Variants in AGGF1 observed in about 807,000 individuals in gnomAD.
The protein encoded by AGGF1 is angiogenic factor with G patch and FHA domains 1.
AGGF1 carries 56 observed loss-of-function variants against 86.5 expected under a neutral mutation model. That is an observed-to-expected ratio of 0.65 (90% CI 0.52 to 0.81). The LOEUF (loss-of-function observed/expected upper bound fraction) is 0.81. AGGF1 is among the 30% of genes least tolerant of loss of function. The pLI, the probability that AGGF1 is intolerant of heterozygous loss-of-function variation, is 0.00. For missense variants in AGGF1, 816 were observed against 850.9 expected, an observed-to-expected ratio of 0.96 and a Z score of 0.51; for synonymous variants, 313 against 297.1, an observed-to-expected ratio of 1.05 and a Z score of -0.55.
intron 5 of AGGF1, among the ~76,000 whole-genome samples, chr5:77,043,467 C>T (rs868365182): frequency 0.013 from 950 of 72,060 alleles, no homozygotes; most frequent in Non-Finnish European, 0.016. Context: ...CCAGACGGGG[C>T]GGTTGGCCGG....
chr5:77,039,766 A>G (rs757590507), intron 5 of AGGF1, 47 bp downstream of exon 5: 1 of 1,537,896 alleles, frequency 6.5e-7, no homozygotes, highest in Non-Finnish European at 8.9e-7. Flanking sequence ...TGATAACATG[A>G]TAATTAAGAC....
At chr5:77,053,418 C>A (rs934382561) in intron 9 of AGGF1, among the ~76,000 whole-genome samples, 1 of 152,158 alleles carries the variant, frequency 6.6e-6, no homozygotes, top group Non-Finnish European at 1.5e-5. Flanking sequence ...ACTTGGGATG[C>A]TGAGGCAGGA....
chr5:77,031,045 C>G, intron 1 of AGGF1, 69 bp downstream of exon 1: 1 of 1,533,620 alleles, frequency 6.5e-7, no homozygotes, highest in Non-Finnish European at 9.0e-7. Context: ...GTGATAGCCT[C>G]GGAAGGGGTC....
intron 11 of AGGF1, among the ~76,000 whole-genome samples, chr5:77,057,612 C>A (rs959347915): frequency 6.6e-6 from 1 of 152,162 alleles, no homozygotes; most frequent in African/African-American, 2.4e-5. Context: ...TTACTACTTA[C>A]AAATAGTGAG....
chr5:77,032,352 G>T (rs1459559370), intron 1 of AGGF1, among the ~76,000 whole-genome samples: 2 of 151,258 alleles, frequency 1.3e-5, no homozygotes, highest in Non-Finnish European at 2.9e-5. Flanking sequence ...CGAATCACGA[G>T]GTCAGAAGAT....
At chr5:77,043,302 G>A (rs1580128115) in intron 5 of AGGF1, among the ~76,000 whole-genome samples, 1 of 21,648 alleles carries the variant, frequency 4.6e-5, no homozygotes. Context: ...GGCTGGCCGG[G>A]CGGAGGGCTG....
chr5:77,031,589 A>C (rs1746854948), intron 1 of AGGF1, among the ~76,000 whole-genome samples: 1 of 151,998 alleles, frequency 6.6e-6, no homozygotes, highest in Non-Finnish European at 1.5e-5. Context: ...TAATACTTAA[A>C]CTGTCACATT....
chr5:77,042,517 C>T lies in AGGF1; in HGVS notation c.870+2798C>T, dbSNP rs1415357243. Among the ~76,000 whole-genome samples, 157 of 76,690 alleles carry T rather than the reference C, an allele frequency of 2.0e-3. 4 individuals are homozygous for T. The highest frequency in any genetic ancestry group is 5.9e-3 in the African/African-American group (149 of 25,078). 50.3% of individuals were successfully genotyped at this position (76,690 alleles called of 152,430 possible). A position where few individuals can be genotyped will look rare whatever the true frequency, so the allele number is the denominator to read the frequency against. On this transcript the variant is annotated intron_variant, in intron 5 of 13. Coordinates refer to ENST00000312916, the MANE Select transcript of AGGF1 (RefSeq NM_018046.5). The stretch of plus-strand genomic sequence containing the variant: ...TGACCCCCCCCACCTCCCTCCCGGA[C>T]GGGGCGGCTGGCCGGGCAGAGGCGC...
At chr5:77,031,714 A>C (rs1205709722) in intron 1 of AGGF1, among the ~76,000 whole-genome samples, 1 of 152,104 alleles carries the variant, frequency 6.6e-6, no homozygotes, top group African/African-American at 2.4e-5. Flanking sequence ...CAGCATGGTG[A>C]AATACAAAAT....
chr5:77,035,447 CT>C, intron 2 of AGGF1, 93 bp from the exon 3 acceptor site: 1 of 913,744 alleles, frequency 1.1e-6, no homozygotes, highest in Non-Finnish European at 1.7e-6. Context: ...GAAGTATGTG[CT>C]TTTTGTGTTT....
chr5:77,044,260 A>G (rs2150730806), intron 5 of AGGF1, among the ~76,000 whole-genome samples: 1 of 152,050 alleles, frequency 6.6e-6, no homozygotes, highest in Middle Eastern at 3.4e-3. Context: ...GTGAGCCGAG[A>G]TCACGCCACT....
intron 11 of AGGF1, 82 bp downstream of exon 11, chr5:77,055,678 T>A: frequency 1.1e-6 from 1 of 924,084 alleles, no homozygotes; most frequent in Non-Finnish European, 1.7e-6. Context: ...GCTCAGTACA[T>A]TTTATATATA....
At chr5:77,051,466 A>G (rs28718514) in intron 8 of AGGF1, among the ~76,000 whole-genome samples, 3,607 of 151,806 alleles carry the variant, frequency 0.024, 67 homozygotes, top group African/African-American at 0.053. Flanking sequence ...GTAGTAATCC[A>G]GGAAATGCAA....
At chr5:77,054,921 A>G (rs919220475) in intron 10 of AGGF1, among the ~76,000 whole-genome samples, 6 of 152,132 alleles carry the variant, frequency 3.9e-5, no homozygotes, top group South Asian at 2.1e-4. Flanking sequence ...TATATTGTCT[A>G]TGTACCATTA....
At chr5:77,052,856 AT>A (rs750400340) in intron 9 of AGGF1, 49 bp downstream of exon 9, 267 of 1,406,760 alleles carry the variant, frequency 1.9e-4, no homozygotes, top group Non-Finnish European at 2.4e-4. Flanking sequence ...TTTTAAACTG[AT>A]TTTTTTTTAT....
At position 77,030,756 on chromosome 5, in the gene AGGF1, C is replaced by G. The variant is rs769616531; in HGVS notation, c.-11C>G. On this transcript the variant is annotated 5_prime_UTR_variant, in exon 1 of 14. Transcript: ENST00000312916. ...CCCTCCGCGGCGACGAGCAGTCTCG[C>G]GCCGGAGCTCATGGCCTCGGAGGCG... The G allele has an allele frequency of 7.0e-6, 11 of 1,561,058 alleles. No homozygotes were observed. Among genetic ancestry groups the G allele is most frequent in the Admixed American group, 5.6e-5 (3 of 53,588 alleles).
chr5:77,043,116 G>A (rs1288594330), intron 5 of AGGF1, among the ~76,000 whole-genome samples: 5 of 55,340 alleles, frequency 9.0e-5, no homozygotes, highest in Admixed American at 2.8e-4. Flanking sequence ...CAGACGGGGC[G>A]GCTGGCCGGG....
chr5:77,042,208 T>C (rs1215721162), intron 5 of AGGF1, among the ~76,000 whole-genome samples: 1 of 151,810 alleles, frequency 6.6e-6, no homozygotes, highest in Non-Finnish European at 1.5e-5. Context: ...CCATGTCTAC[T>C]TCTTTCTACA....
chr5:77,035,620 T>A lies in AGGF1; in HGVS notation c.393T>A (p.Ala131=). The A allele has an allele frequency of 6.2e-7, 1 of 1,613,626 alleles. No individual in the cohort carries two copies. The highest frequency in any genetic ancestry group is 2.2e-5 in the East Asian group (1 of 44,782). The change falls in exon 3 of 14, where the codon GCT becomes GCA. Residue 131 remains alanine (A), a synonymous_variant. Transcript: ENST00000312916. ...VTELSDQQDQ[A]IETSILNSKD... ...AACTGTCAGATCAACAAGATCAAGC[T>A]ATCGAAACTTCTATTTTGAATTCTA...
Sources: gnomAD v4.1 joint callset for allele counts (sites outside exome capture counted in the v4.1 genomes callset) on GRCh38, gnomAD v4.1.1 for gene constraint, MANE v1.5 for transcripts, NCBI Gene and HGNC (gene_info 2026-07-23, HGNC 2026-07-21) for gene names.